The following SLAMF7 variants were observed in gnomAD, a reference collection of about 807,000 sequenced individuals.
SLAMF7 encodes the protein SLAM family member 7.
In SLAMF7, 26 loss-of-function variants were observed where a neutral mutation model predicts 34.1. The ratio of observed to expected loss-of-function variants is 0.76; its 90% CI spans 0.56 to 1.06. SLAMF7 has a LOEUF of 1.06. SLAMF7 is among the 50% of genes least tolerant of loss of function. The probability of loss-of-function intolerance (pLI) is 0.00; values close to 1 mark genes in which losing one functional copy is unlikely to be tolerated. For missense variants in SLAMF7, 399 were observed against 402.5 expected (o/e 0.99, Z 0.07); for synonymous variants, 171 against 156.4 (o/e 1.09, Z -0.70).
intron 6 of SLAMF7, 116 bp downstream of exon 6, chr1:160,752,364 C>G (rs1248140581): frequency 3.1e-5 from 22 of 715,924 alleles, no homozygotes; most frequent in Non-Finnish European, 5.1e-5. Context: ...TTAAAAAGTA[C>G]CCTAGTAGTT....
rs964788899 is a variant in SLAMF7 at position 160,749,939 on chromosome 1, G to A, written c.495G>A (p.Lys165=). The part of the protein sequence containing the change: ...HGEEDVIYTW[K]ALGQAANESH... ...AAGAGGATGTGATTTATACCTGGAA[G>A]GCCCTGGGGCAAGCAGCCAATGAGT... is the stretch of plus-strand genomic sequence containing the variant. Residue 165 remains lysine, a synonymous_variant, in exon 3 of 7, where the codon AAG becomes AAA. Transcript: ENST00000368043. 6.2e-6 allele frequency: 10 copies of A among 1,614,156 alleles called. No homozygotes were observed. In the African/African-American group the frequency reaches 6.7e-5, roughly 11 times the overall value.
intron 4 of SLAMF7, 101 bp downstream of exon 4, chr1:160,750,524 T>G: frequency 7.2e-7 from 1 of 1,393,008 alleles, no homozygotes; most frequent in Middle Eastern, 1.8e-4. Flanking sequence ...TGGCATGAGG[T>G]GTTGAAGATG....
chr1:160,751,497 C>G (rs1466159658), intron 5 of SLAMF7, 49 bp downstream of exon 5: 1 of 1,478,056 alleles, frequency 6.8e-7, no homozygotes, highest in Non-Finnish European at 9.5e-7. Flanking sequence ...CTCTGAGGCT[C>G]TCCTTGTGAG....
chr1:160,749,377 GCA>G (rs1047207851), intron 2 of SLAMF7, among the ~76,000 whole-genome samples: 4 of 152,204 alleles, frequency 2.6e-5, no homozygotes, highest in African/African-American at 9.6e-5. Flanking sequence ...AGGGGAGTGA[GCA>G]CAGAGTAGAG....
intron 1 of SLAMF7, among the ~76,000 whole-genome samples, chr1:160,744,334 G>A (rs1663969620): frequency 6.6e-6 from 1 of 152,134 alleles, no homozygotes; most frequent in Non-Finnish European, 1.5e-5. Context: ...CTCCAACCTT[G>A]CCCCTGTCCT....
chr1:160,747,206 T>C (rs1199373088), intron 1 of SLAMF7, among the ~76,000 whole-genome samples: 1 of 152,180 alleles, frequency 6.6e-6, no homozygotes, highest in African/African-American at 2.4e-5. Flanking sequence ...TTCTTATCAT[T>C]TCTACTATTT....
intron 1 of SLAMF7, among the ~76,000 whole-genome samples, chr1:160,741,640 A>G (rs1663751236): frequency 6.6e-6 from 1 of 152,172 alleles, no homozygotes; most frequent in Non-Finnish European, 1.5e-5. Flanking sequence ...ACTCCAATGT[A>G]TAGAGTTGAA....
At chr1:160,749,048 A>G (rs764415478) in intron 2 of SLAMF7, among the ~76,000 whole-genome samples, 2 of 152,220 alleles carry the variant, frequency 1.3e-5, no homozygotes, top group African/African-American at 2.4e-5. Context: ...TTATGAAACA[A>G]TGACTCAAAC....
At chr1:160,753,076 T>C in intron 6 of SLAMF7, 30 bp from the exon 7 acceptor site, 1 of 1,607,002 alleles carries the variant, frequency 6.2e-7, no homozygotes, top group Non-Finnish European at 8.5e-7. Flanking sequence ...CTCACCTCCC[T>C]CACTCTACTT....
chr1:160,752,512 C>G lies in SLAMF7; in HGVS notation c.936+264C>G, dbSNP rs2295618. On this transcript the variant is annotated intron_variant, in intron 6 of 6. Coordinates refer to ENST00000368043, the MANE Select transcript of SLAMF7 (RefSeq NM_021181.5). ...TCGGAATAATAAAGAAAATCAAAAG[C>G]CTTCTGACTGAAGTTGCAGACAAGG... Among the ~76,000 whole-genome samples, 1,293 of 152,212 alleles carry G rather than the reference C, an allele frequency of 8.5e-3. 20 individuals carry two copies. The highest frequency in any genetic ancestry group is 0.053 in the South Asian group (255 of 4,818).
chr1:160,750,514 T>C, intron 4 of SLAMF7, 91 bp downstream of exon 4: 1 of 1,469,398 alleles, frequency 6.8e-7, no homozygotes, highest in Non-Finnish European at 9.2e-7. Flanking sequence ...GTGCCAGACT[T>C]GGCATGAGGT....
intron 1 of SLAMF7, 118 bp downstream of exon 1, chr1:160,739,474 C>A: frequency 1.2e-6 from 1 of 837,288 alleles, no homozygotes; most frequent in Non-Finnish European, 1.9e-6. Context: ...TCTCATCTAA[C>A]ATTTGCTTTT....
intron 1 of SLAMF7, among the ~76,000 whole-genome samples, chr1:160,740,870 G>A (rs1327852261): frequency 2.0e-5 from 3 of 152,152 alleles, no homozygotes; most frequent in Non-Finnish European, 2.9e-5. Flanking sequence ...CACGCTTCTT[G>A]GGCAAGATAA....
At chr1:160,739,475 A>C in intron 1 of SLAMF7, 119 bp downstream of exon 1, 1 of 832,000 alleles carries the variant, frequency 1.2e-6, no homozygotes, top group Non-Finnish European at 1.9e-6. Context: ...CTCATCTAAC[A>C]TTTGCTTTTT....
At chr1:160,747,173 T>C (rs1348466633) in intron 1 of SLAMF7, among the ~76,000 whole-genome samples, 1 of 152,202 alleles carries the variant, frequency 6.6e-6, no homozygotes, top group African/African-American at 2.4e-5. Flanking sequence ...TTAGTTTTTG[T>C]ATTTCTATCA....
At chr1:160,747,425 A>G (rs1454262075) in intron 1 of SLAMF7, among the ~76,000 whole-genome samples, 1 of 152,188 alleles carries the variant, frequency 6.6e-6, no homozygotes, top group Non-Finnish European at 1.5e-5. Flanking sequence ...CATGCCTGCA[A>G]TCCAGCACTT....
Position 160,750,059 on chromosome 1 carries a change from C to G in SLAMF7, c.615C>G (p.Phe205Leu). The change falls in exon 3 of 7, where the codon TTC becomes TTG. Residue 205 changes from phenylalanine to leucine, a missense_variant. Physicochemically the swap from Phe to Leu is conservative, Grantham distance 22. Coordinates refer to ENST00000368043, the MANE Select transcript of SLAMF7 (RefSeq NM_021181.5). The stretch of plus-strand genomic sequence containing the variant: ...CCAGGAACCCTGTCAGCAGAAACTT[C>G]TCAAGCCCCATCCTTGCCAGGAAGC... ...CVARNPVSRNFSSPILARKLC... is the reference protein window; with the variant it reads ...CVARNPVSRNLSSPILARKLC... The G allele has an allele frequency of 6.2e-7, 1 of 1,614,128 alleles. No homozygotes were observed.
intron 1 of SLAMF7, among the ~76,000 whole-genome samples, chr1:160,740,460 C>T (rs532278862): frequency 2.0e-5 from 3 of 152,116 alleles, no homozygotes; most frequent in Admixed American, 6.5e-5. Context: ...GCAGGTCCCC[C>T]TCTGCCCTCC....
chr1:160,751,395 A>T lies in SLAMF7; in HGVS notation c.820A>T (p.Ile274Leu), dbSNP rs544308631. The change falls in exon 5 of 7, where the codon ATA (isoleucine) becomes TTA (leucine). Residue 274 changes from isoleucine to leucine, a missense_variant. Coordinates refer to ENST00000368043, the MANE Select transcript of SLAMF7 (RefSeq NM_021181.5). ...GGACATTTGTCGGGAAACTCCTAAC[A>T]TATGCCCCCATTCTGGAGAGAACAC... ...RVDICRETPN[I>L]CPHSGENTEY... The T allele has an allele frequency of 5.6e-6, 9 of 1,613,934 alleles. No individual in the cohort carries two copies. The Admixed American group carries it at 1.0e-4, about 18-fold the overall frequency.
Sources: allele counts gnomAD v4.1 joint callset (sites outside exome capture counted in the v4.1 genomes callset), GRCh38; gene constraint gnomAD v4.1.1; transcripts MANE v1.5; gene names NCBI Gene and HGNC (gene_info 2026-07-23, HGNC 2026-07-21).